The following WWP2 variants were observed in gnomAD, a reference collection of about 807,000 sequenced individuals.
The protein encoded by WWP2 is NEDD4-like E3 ubiquitin-protein ligase WWP2.
WWP2 carries 57 observed loss-of-function variants against 121.0 expected under a neutral mutation model. The observed-to-expected ratio is 0.47, with a 90% CI of 0.38 to 0.59. The LOEUF (loss-of-function observed/expected upper bound fraction) is 0.59, where lower values mean the gene tolerates loss of function less well. Ranked by LOEUF, WWP2 falls within the 20% of genes least tolerant of loss-of-function variation. WWP2 has a pLI of 0.00. For synonymous variants in WWP2, 449 were observed against 441.3 expected, an observed-to-expected ratio of 1.02 and a Z score of -0.22; for missense variants, 962 against 1,158.9, an observed-to-expected ratio of 0.83 and a Z score of 2.47.
intron 4 of WWP2, among the ~76,000 whole-genome samples, chr16:69,818,573 G>A (rs2056538056): frequency 6.6e-6 from 1 of 152,106 alleles, no homozygotes. Flanking sequence ...TTGTCCCAAG[G>A]TCGCCAGTGA....
intron 13 of WWP2, among the ~76,000 whole-genome samples, chr16:69,930,640 A>G (rs2058697518): frequency 6.6e-6 from 1 of 152,192 alleles, no homozygotes; most frequent in South Asian, 2.1e-4. Context: ...TTGAGGCTGC[A>G]GTGAGCTATG....
rs1305570561 is a variant in WWP2, at chr16:69,847,149, ATC to A, written c.575+5032_575+5033del. ...GCCCAGGCTGGAGTGCAGTGCCACG[ATC>A]TCGGCTCACTATAAACTCTGCCTCC... On this transcript the variant is annotated intron_variant, in intron 6 of 23. Transcript: ENST00000359154. Among the ~76,000 whole-genome samples the A allele has an allele frequency of 2.6e-5, 4 of 152,162 alleles. No homozygotes were observed. The East Asian group carries it at 7.7e-4, about 29-fold the overall frequency.
chr16:69,795,486 A>G (rs2056014276), intron 2 of WWP2, among the ~76,000 whole-genome samples: 1 of 152,092 alleles, frequency 6.6e-6, no homozygotes, highest in Non-Finnish European at 1.5e-5. Flanking sequence ...GGCAGCACAG[A>G]TGTGGAACAT....
chr16:69,793,316 C>T (rs915722359), intron 2 of WWP2, among the ~76,000 whole-genome samples: 3 of 152,074 alleles, frequency 2.0e-5, no homozygotes, highest in Non-Finnish European at 4.4e-5. Flanking sequence ...TGCACCACTG[C>T]ACTCCAGCCT....
At chr16:69,819,507 G>A (rs1298244492) in intron 4 of WWP2, among the ~76,000 whole-genome samples, 1 of 152,144 alleles carries the variant, frequency 6.6e-6, no homozygotes, top group Non-Finnish European at 1.5e-5. Context: ...TCCTGAAACT[G>A]ACCCCTTCCA....
intron 4 of WWP2, among the ~76,000 whole-genome samples, chr16:69,836,688 G>A (rs930480511): frequency 6.6e-6 from 1 of 152,142 alleles, no homozygotes; most frequent in African/African-American, 2.4e-5. Context: ...TTGGCTCACT[G>A]CAATGTATGC....
intron 4 of WWP2, among the ~76,000 whole-genome samples, chr16:69,807,422 T>G (rs1288698435): frequency 6.6e-6 from 1 of 152,012 alleles, no homozygotes; most frequent in Non-Finnish European, 1.5e-5. Context: ...GAATTTTTTT[T>G]CTTTCAATGT....
intron 6 of WWP2, among the ~76,000 whole-genome samples, chr16:69,856,503 G>A (rs2057314874): frequency 6.6e-6 from 1 of 152,156 alleles, no homozygotes; most frequent in Admixed American, 6.5e-5. Context: ...GTGGCCAGGT[G>A]CGGTGGCTCA....
intron 4 of WWP2, among the ~76,000 whole-genome samples, chr16:69,812,854 T>C (rs1434512734): frequency 1.3e-5 from 2 of 152,152 alleles, no homozygotes; most frequent in African/African-American, 2.4e-5. Flanking sequence ...GTTTTTCCAC[T>C]GCAAAATTAC....
chr16:69,859,780 T>G lies in WWP2; in HGVS notation c.576-12024T>G, dbSNP rs553301802. 9.4e-4 allele frequency among the ~76,000 whole-genome samples: 143 copies of G among 151,932 alleles called. 1 individual carries two copies. The highest frequency in any genetic ancestry group is 3.3e-3 in the African/African-American group (138 of 41,434). On this transcript the variant is annotated intron_variant, in intron 6 of 23. Coordinates refer to ENST00000359154, the MANE Select transcript of WWP2 (RefSeq NM_001270454.2). ...GATCTCCCTGTGATTTGAATCTCTC[T>G]GATTTTCTCTCCTGCCACCTGCTGG...
At chr16:69,800,693 T>G (rs1330224943) in intron 4 of WWP2, among the ~76,000 whole-genome samples, 1 of 151,324 alleles carries the variant, frequency 6.6e-6, no homozygotes, top group Non-Finnish European at 1.5e-5. Context: ...GCCTCCCAAG[T>G]AGCTGGGATT....
intron 8 of WWP2, among the ~76,000 whole-genome samples, chr16:69,903,967 G>C (rs903023733): frequency 6.6e-6 from 1 of 152,170 alleles, no homozygotes; most frequent in Non-Finnish European, 1.5e-5. Flanking sequence ...TTCAAGGAAG[G>C]GAAGGATGCA....
intron 4 of WWP2, among the ~76,000 whole-genome samples, chr16:69,805,597 A>G (rs1225834850): frequency 1.3e-5 from 2 of 151,684 alleles, no homozygotes; most frequent in African/African-American, 4.8e-5. Context: ...CAGGTTAAAA[A>G]AAAAGTCAGG....
At chr16:69,889,954 A>ATTG (rs1016765404) in intron 8 of WWP2, among the ~76,000 whole-genome samples, 2 of 151,468 alleles carry the variant, frequency 1.3e-5, no homozygotes, top group African/African-American at 2.4e-5. Context: ...AGCCACTTTC[A>ATTG]TTGTTGTTGT....
chr16:69,763,627 C>T (rs1010167716), intron 1 of WWP2, among the ~76,000 whole-genome samples: 5 of 152,196 alleles, frequency 3.3e-5, no homozygotes, highest in Non-Finnish European at 7.3e-5. Context: ...GATGTATTCT[C>T]ATTTCACAGG....
intron 1 of WWP2, among the ~76,000 whole-genome samples, chr16:69,782,535 G>T (rs2055686147): frequency 6.6e-6 from 1 of 152,102 alleles, no homozygotes; most frequent in Non-Finnish European, 1.5e-5. Flanking sequence ...AAGAGGAGAT[G>T]GAGAATTGCT....
intron 23 of WWP2, 123 bp from the exon 24 acceptor site, chr16:69,939,718 G>A (rs2058851379): frequency 3.8e-6 from 3 of 782,850 alleles, no homozygotes; most frequent in Non-Finnish European, 5.5e-6. Context: ...AGGCCTGACT[G>A]GCAGCCCCTG....
intron 2 of WWP2, among the ~76,000 whole-genome samples, chr16:69,793,131 T>C (rs2055948252): frequency 6.6e-6 from 1 of 151,976 alleles, no homozygotes; most frequent in Admixed American, 6.6e-5. Context: ...CTAGGTGGGA[T>C]CATGAGGTCA....
intron 1 of WWP2, chr16:69,776,143 C>T (rs2055522450): frequency 6.6e-6 from 1 of 152,096 alleles, no homozygotes; most frequent in Non-Finnish European, 1.5e-5. Context: ...GGCCTGTGTC[C>T]CAGGCTATGA....
Sources: allele counts gnomAD v4.1 joint callset (sites outside exome capture counted in the v4.1 genomes callset), GRCh38; gene constraint gnomAD v4.1.1; transcripts MANE v1.5; gene names NCBI Gene and HGNC (gene_info 2026-07-23, HGNC 2026-07-21).